The following MIX23 variants were observed in gnomAD, a reference collection of about 807,000 sequenced individuals.
MIX23 encodes the protein mitochondrial matrix import factor 23, also known as protein MIX23.
Under a neutral mutation model 21.6 loss-of-function variants are expected in MIX23, and 13 were observed. That is an observed-to-expected ratio of 0.60 (90% CI 0.39 to 0.96). MIX23 has a LOEUF of 0.96. Among genes scored for constraint, MIX23 ranks in the 40% least tolerant of loss-of-function variants. The pLI is 0.00. For missense variants in MIX23, 144 were observed against 171.2 expected (o/e 0.84, Z 0.89); for synonymous variants, 59 against 58.0 (o/e 1.02, Z -0.08).
At chr3:122,368,905 A>G (rs894026054) in intron 2 of MIX23, among the ~76,000 whole-genome samples, 6 of 152,234 alleles carry the variant, frequency 3.9e-5, no homozygotes, top group African/African-American at 1.4e-4. Flanking sequence ...GAAAACTTAT[A>G]TATGAAGCAC....
chr3:122,367,618 G>A (rs1264877365), intron 3 of MIX23, among the ~76,000 whole-genome samples: 2 of 152,150 alleles, frequency 1.3e-5, no homozygotes, highest in East Asian at 3.8e-4. Flanking sequence ...AAGATCCCTA[G>A]CAACTTTTAC....
intron 1 of MIX23, chr3:122,372,987 G>A: frequency 2.4e-6 from 1 of 418,886 alleles, no homozygotes; most frequent in Admixed American, 2.5e-5. Context: ...TCTTACCTTT[G>A]CCAAACTTAA....
At chr3:122,383,030 C>T in intron 1 of MIX23, 144 bp downstream of exon 1, 2 of 1,070,274 alleles carry the variant, frequency 1.9e-6, no homozygotes, top group South Asian at 1.3e-5. Context: ...AAACCCGCGC[C>T]CCCCATGACC....
At chr3:122,377,638 T>C (rs1055654194) in intron 1 of MIX23, among the ~76,000 whole-genome samples, 2 of 152,046 alleles carry the variant, frequency 1.3e-5, no homozygotes, top group Non-Finnish European at 2.9e-5. Flanking sequence ...TGCTTACGGC[T>C]AGGAGTTCAA....
intron 1 of MIX23, among the ~76,000 whole-genome samples, chr3:122,381,717 C>CA (rs1326952211): frequency 4.4e-4 from 42 of 94,832 alleles, no homozygotes; most frequent in African/African-American, 1.3e-3. Context: ...GACTCTGTCT[C>CA]AAAAAAAAAA....
At position 122,363,589 on chromosome 3, in the gene MIX23, T is replaced by C. The variant is rs571802740; in HGVS notation, c.325-562A>G. Among the ~76,000 whole-genome samples the C allele has an allele frequency of 5.3e-4, 81 of 151,454 alleles. 1 individual carries two copies. The highest frequency in any genetic ancestry group is 1.9e-3 in the African/African-American group (79 of 40,922). ...TCATACAACTACAGACTTGCAAAGA[T>C]AGCACAGAGGAAAAAAAGGACAAGG... On this transcript the variant is annotated intron_variant, in intron 3 of 4. Transcript: ENST00000291458.
chr3:122,360,108 T>C (rs1476702791), intron 4 of MIX23, among the ~76,000 whole-genome samples, 189 bp from the exon 5 acceptor site: 1 of 152,144 alleles, frequency 6.6e-6, no homozygotes, highest in African/African-American at 2.4e-5. Context: ...CAGAAGGCCT[T>C]GACATCCATT....
chr3:122,366,944 C>CAA (rs61041036), intron 3 of MIX23, among the ~76,000 whole-genome samples: 1 of 148,588 alleles, frequency 6.7e-6, no homozygotes, highest in Non-Finnish European at 1.5e-5. Context: ...TCTCAAAAAA[C>CAA]AAAAAAAAAA....
At position 122,381,256 on chromosome 3, in the gene MIX23, T is replaced by C. The variant is rs1047889832; in HGVS notation, c.51+1918A>G. Among the ~76,000 whole-genome samples, 4 of 152,320 alleles carry C rather than the reference T, an allele frequency of 2.6e-5. No individual in the cohort carries two copies. The South Asian group carries it at 8.3e-4, about 32-fold the overall frequency. On this transcript the variant is annotated intron_variant, in intron 1 of 4. Coordinates refer to ENST00000291458, the MANE Select transcript of MIX23 (RefSeq NM_001017928.4). ...TACTCCATCCACTGGGTTTCGCAAG[T>C]GCCAGGAGACTAGTAGGTATCTGTT...
chr3:122,376,111 C>T (rs73186099), intron 1 of MIX23, among the ~76,000 whole-genome samples: 31,631 of 136,902 alleles, frequency 0.23, 3,983 homozygotes, highest in Middle Eastern at 0.3. Flanking sequence ...TGCAGTGAGC[C>T]GAGATCGTGC....
At chr3:122,360,883 G>A (rs1373504930) in intron 4 of MIX23, among the ~76,000 whole-genome samples, 10 of 152,034 alleles carry the variant, frequency 6.6e-5, no homozygotes, top group South Asian at 4.2e-4. Context: ...CGCTCTTGTC[G>A]CCCAGGCTGG....
intron 1 of MIX23, among the ~76,000 whole-genome samples, chr3:122,375,912 G>A (rs912090540): frequency 6.6e-6 from 1 of 152,098 alleles, no homozygotes; most frequent in East Asian, 1.9e-4. Flanking sequence ...AGTGGCTCAC[G>A]CCTGACTTTG....
At position 122,383,194 on chromosome 3, in the gene MIX23, C is replaced by G; in HGVS notation, c.31G>C (p.Glu11Gln). The change falls in exon 1 of 5, where the codon GAG becomes CAG. Residue 11 changes from glutamate (E) to glutamine (Q), a missense_variant. Transcript: ENST00000291458. ...ATCACCTGGAACTCGGCGAACTCCTCACAGTTCACACCGCCACTGGGCGCC... is the reference window on the plus strand; with the variant it reads ...ATCACCTGGAACTCGGCGAACTCCTGACAGTTCACACCGCCACTGGGCGCC... MAAPSGGVNCEEFAEFQELLK... is the reference protein window; with the variant it reads MAAPSGGVNCQEFAEFQELLK... 6.2e-7 allele frequency: 1 copy of G among 1,613,476 alleles called. No homozygotes were observed. The highest frequency in any genetic ancestry group is 8.5e-7 in the Non-Finnish European group (1 of 1,180,046).
intron 1 of MIX23, among the ~76,000 whole-genome samples, chr3:122,381,660 G>A (rs1004293450): frequency 6.6e-6 from 1 of 151,044 alleles, no homozygotes; most frequent in Non-Finnish European, 1.5e-5. Context: ...GGAGGTTGGA[G>A]TGAGCCAAGA....
chr3:122,377,918 T>C lies in MIX23; in HGVS notation c.51+5256A>G, dbSNP rs546763169. ...AGCAGGATGGAAATCAAGGGTGACC[T>C]TAAAGAGAGCCATATAAATAGAGTG... On this transcript the variant is annotated intron_variant, in intron 1 of 4. Transcript: ENST00000291458. Among the ~76,000 whole-genome samples, 36 of 152,314 alleles carry C rather than the reference T, an allele frequency of 2.4e-4. No individual in the cohort carries two copies. The South Asian group carries it at 7.0e-3, about 30-fold the overall frequency.
At chr3:122,360,920 T>C (rs1225196762) in intron 4 of MIX23, among the ~76,000 whole-genome samples, 1 of 152,194 alleles carries the variant, frequency 6.6e-6, no homozygotes, top group South Asian at 2.1e-4. Flanking sequence ...CTCGGCTCAC[T>C]GAAACCTCCA....
intron 1 of MIX23, among the ~76,000 whole-genome samples, chr3:122,377,911 G>GA (rs1251255184): frequency 7.9e-5 from 12 of 152,122 alleles, no homozygotes; most frequent in Non-Finnish European, 1.6e-4. Context: ...GGAAATCAAG[G>GA]GTGACCTTAA....
intron 1 of MIX23, among the ~76,000 whole-genome samples, chr3:122,379,872 C>A (rs1436109841): frequency 1.1e-4 from 17 of 152,180 alleles, no homozygotes; most frequent in Admixed American, 1.1e-3. Flanking sequence ...ATATCATGAA[C>A]CTCTCATTGT....
intron 1 of MIX23, among the ~76,000 whole-genome samples, chr3:122,373,456 T>C (rs1172038590): frequency 6.6e-6 from 1 of 152,084 alleles, no homozygotes; most frequent in Non-Finnish European, 1.5e-5. Context: ...TATATTTTTG[T>C]AGAGAGAGGG....
Sources: gnomAD v4.1 joint callset for allele counts (sites outside exome capture counted in the v4.1 genomes callset) on GRCh38, gnomAD v4.1.1 for gene constraint, MANE v1.5 for transcripts, NCBI Gene and HGNC (gene_info 2026-07-23, HGNC 2026-07-21) for gene names.